AFF3: variants seen among roughly 807,000 people sequenced by gnomAD.
AFF3 encodes the protein AF4/FMR2 family member 3.
A neutral mutation model predicts 129.7 loss-of-function variants in AFF3; 32 were observed. The observed-to-expected ratio is 0.25, with a 90% CI of 0.19 to 0.33. The LOEUF (loss-of-function observed/expected upper bound fraction) is 0.33, where lower values mean the gene tolerates loss of function less well. Ranked by LOEUF, AFF3 falls within the 10% of genes least tolerant of loss-of-function variation. AFF3 has a pLI of 1.00. For synonymous variants in AFF3, 644 were observed against 635.4 expected (o/e 1.01, Z -0.20); for missense variants, 1,373 against 1,592.0 (o/e 0.86, Z 2.34).
chr2:100,020,077 T>A (rs1683461297), intron 4 of AFF3, among the ~76,000 whole-genome samples: 1 of 152,214 alleles, frequency 6.6e-6, no homozygotes, highest in African/African-American at 2.4e-5. Flanking sequence ...CAAAGCTGTC[T>A]ATACTTGCTG....
chr2:99,954,493 T>C (rs1239535505), intron 7 of AFF3, among the ~76,000 whole-genome samples: 1 of 151,878 alleles, frequency 6.6e-6, no homozygotes, highest in Non-Finnish European at 1.5e-5. Flanking sequence ...CTATTCACAA[T>C]AGCAAAGACT....
rs55856427 is a variant in AFF3 at position 99,739,013 on chromosome 2, A to ATTTTTTTT, written c.1039+5083_1039+5090dup. ...TTCTCAGTGAGGAGTGAACTGTTCA[A>ATTTTTTTT]TTTTTTTTTTTTTTAGCAAATATTA... On this transcript the variant is annotated intron_variant, in intron 10 of 24. Coordinates refer to ENST00000672756, the MANE Select transcript of AFF3 (RefSeq NM_001386135.1). Among the ~76,000 whole-genome samples the ATTTTTTTT allele has an allele frequency of 2.1e-3, 285 of 138,332 alleles. 12 individuals carry two copies. Among genetic ancestry groups the ATTTTTTTT allele is most frequent in the South Asian group, 0.015 (65 of 4,254 alleles). 90.8% of individuals were successfully genotyped at this position (138,332 alleles called of 152,430 possible). A position where few individuals can be genotyped will look rare whatever the true frequency, so the allele number is the denominator to read the frequency against.
At chr2:99,828,132 C>T (rs11899736) in intron 8 of AFF3, among the ~76,000 whole-genome samples, 214 of 152,156 alleles carry the variant, frequency 1.4e-3, no homozygotes, top group African/African-American at 4.7e-3. Context: ...AACAGACATG[C>T]GGTATCTCTG....
chr2:100,106,385 G>T, intron 2 of AFF3: 1 of 1,093,794 alleles, frequency 9.1e-7, no homozygotes, highest in Non-Finnish European at 1.1e-6. Context: ...AAAAAGTACA[G>T]GTGTGAAGGG....
chr2:100,041,817 T>C (rs1000321681), intron 4 of AFF3, among the ~76,000 whole-genome samples: 1 of 152,202 alleles, frequency 6.6e-6, no homozygotes, highest in Non-Finnish European at 1.5e-5. Flanking sequence ...ACCAAACATA[T>C]AGAAGGGATA....
intron 15 of AFF3, among the ~76,000 whole-genome samples, chr2:99,589,487 T>G (rs1161115373): frequency 6.9e-6 from 1 of 145,552 alleles, no homozygotes; most frequent in Non-Finnish European, 1.5e-5. Context: ...GTGCAGCCTC[T>G]GCCTCCAGGG....
intron 7 of AFF3, among the ~76,000 whole-genome samples, chr2:99,983,499 A>T (rs1679593217): frequency 4.6e-5 from 7 of 152,340 alleles, no homozygotes; most frequent in Admixed American, 3.9e-4. Context: ...AATAATATCA[A>T]ATACTTGACA....
chr2:99,635,426 T>C (rs1368208041), intron 13 of AFF3, among the ~76,000 whole-genome samples: 1 of 152,134 alleles, frequency 6.6e-6, no homozygotes, highest in Admixed American at 6.5e-5. Context: ...GCCTCCCAAG[T>C]AGCTGAGACT....
At chr2:100,056,231 G>C (rs1387670443) in intron 4 of AFF3, among the ~76,000 whole-genome samples, 5 of 151,970 alleles carry the variant, frequency 3.3e-5, no homozygotes, top group African/African-American at 4.8e-5. Context: ...CTCTCTATCC[G>C]GCATTCCCTT....
intron 4 of AFF3, among the ~76,000 whole-genome samples, chr2:100,038,305 C>A (rs1347240339): frequency 6.6e-6 from 1 of 151,982 alleles, no homozygotes; most frequent in African/African-American, 2.4e-5. Context: ...CACCTGGACC[C>A]CAACCCCATT....
At chr2:100,003,942 A>C (rs1681695601) in intron 7 of AFF3, among the ~76,000 whole-genome samples, 1 of 151,980 alleles carries the variant, frequency 6.6e-6, no homozygotes, top group Non-Finnish European at 1.5e-5. Context: ...TTATTCAGTT[A>C]ATGTAAATTT....
At chr2:99,678,932 T>G (rs369899535) in intron 11 of AFF3, among the ~76,000 whole-genome samples, 1 of 152,216 alleles carries the variant, frequency 6.6e-6, no homozygotes, top group Non-Finnish European at 1.5e-5. Context: ...GTTATTTTCA[T>G]TAACAAGTAA....
At chr2:99,825,863 T>C (rs533460068) in intron 8 of AFF3, among the ~76,000 whole-genome samples, 4 of 152,322 alleles carry the variant, frequency 2.6e-5, no homozygotes, top group African/African-American at 9.6e-5. Flanking sequence ...TGCTTCCAGG[T>C]AGCACAACAG....
intron 7 of AFF3, among the ~76,000 whole-genome samples, chr2:99,946,098 C>T (rs974327376): frequency 2.0e-5 from 3 of 152,080 alleles, no homozygotes; most frequent in African/African-American, 7.2e-5. Context: ...GCAGTCCTCC[C>T]CTGGGTTCTA....
chr2:99,734,239 T>A (rs992166073), intron 10 of AFF3, among the ~76,000 whole-genome samples: 1 of 152,332 alleles, frequency 6.6e-6, no homozygotes, highest in Non-Finnish European at 1.5e-5. Flanking sequence ...GGAAATGAAA[T>A]TAATTGTGTA....
At chr2:99,940,720 C>T (rs921937340) in intron 7 of AFF3, among the ~76,000 whole-genome samples, 17 of 152,190 alleles carry the variant, frequency 1.1e-4, no homozygotes, top group African/African-American at 3.6e-4. Context: ...TATGGAGTAG[C>T]CATTCTTTTA....
chr2:99,908,396 C>T (rs967328564), intron 7 of AFF3, among the ~76,000 whole-genome samples: 1 of 152,146 alleles, frequency 6.6e-6, no homozygotes, highest in Non-Finnish European at 1.5e-5. Context: ...CTAGGCAATA[C>T]CATTCAGGAC....
intron 7 of AFF3, among the ~76,000 whole-genome samples, chr2:99,934,724 C>T (rs771214042): frequency 1.2e-4 from 18 of 152,212 alleles, no homozygotes; most frequent in Admixed American, 5.9e-4. Flanking sequence ...TCACTCACAA[C>T]CCCCTGGGCA....
At chr2:100,105,080 C>A (rs1691171524) in intron 3 of AFF3, 2 of 155,474 alleles carry the variant, frequency 1.3e-5, no homozygotes, top group African/African-American at 4.9e-5. Context: ...CGGGAGAGAG[C>A]GGCGAGGCGG....
Sources: allele counts gnomAD v4.1 joint callset (sites outside exome capture counted in the v4.1 genomes callset), GRCh38; gene constraint gnomAD v4.1.1; transcripts MANE v1.5; gene names NCBI Gene and HGNC (gene_info 2026-07-23, HGNC 2026-07-21).